SCAP: variants seen among roughly 807,000 people sequenced by gnomAD.
SCAP encodes sterol regulatory element-binding protein cleavage-activating protein.
A neutral mutation model predicts 123.6 loss-of-function variants in SCAP; 65 were observed. The observed-to-expected ratio is 0.53, with a 90% confidence interval of 0.43 to 0.65. The LOEUF (loss-of-function observed/expected upper bound fraction) is 0.65. SCAP is among the 30% of genes least tolerant of loss of function. The probability of loss-of-function intolerance (pLI) is 0.00; values close to 1 mark genes in which losing one functional copy is unlikely to be tolerated. For synonymous variants in SCAP, 740 were observed against 726.3 expected, an observed-to-expected ratio of 1.02 and a Z score of -0.30; for missense variants, 1,398 against 1,712.5, an observed-to-expected ratio of 0.82 and a Z score of 3.24.
chr3:47,476,283 G>T (rs11716661), upstream of SCAP, among the ~76,000 whole-genome samples: 57,217 of 151,718 alleles, frequency 0.38, 11,095 homozygotes, highest in East Asian at 0.53. Flanking sequence ...GGCAACGTAG[G>T]AGACCTCCGT....
At chr3:47,474,734 C>A (rs1212269111) in intron 1 of SCAP, among the ~76,000 whole-genome samples, 1 of 151,596 alleles carries the variant, frequency 6.6e-6, no homozygotes, top group Non-Finnish European at 1.5e-5. Flanking sequence ...GAAATCAAGG[C>A]TGCAGTGAGC....
intron 3 of SCAP, among the ~76,000 whole-genome samples, chr3:47,432,509 C>T (rs1302570514): frequency 6.6e-6 from 1 of 152,066 alleles, no homozygotes; most frequent in Non-Finnish European, 1.5e-5. Flanking sequence ...CAGTGAGCCT[C>T]TATCTGTCCC....
intron 5 of SCAP, 42 bp from the exon 6 acceptor site, chr3:47,427,304 C>G (rs1706178007): frequency 6.4e-7 from 1 of 1,567,910 alleles, no homozygotes; most frequent in Non-Finnish European, 8.8e-7. Flanking sequence ...GAAATGACAG[C>G]TACTGCAGAG....
chr3:47,438,429 A>AGAGAAT (rs10652619), intron 2 of SCAP, among the ~76,000 whole-genome samples: 145,847 of 152,110 alleles, frequency 0.96, 70,238 homozygotes, highest in East Asian at 1. Flanking sequence ...AACGACTACA[A>AGAGAAT]GTGATCAGAA....
chr3:47,466,750 G>A (rs1307495553), intron 1 of SCAP, among the ~76,000 whole-genome samples: 1 of 152,042 alleles, frequency 6.6e-6, no homozygotes, highest in African/African-American at 2.4e-5. Flanking sequence ...AAAAGTATAG[G>A]CAACAAAAGA....
chr3:47,454,037 A>G (rs1707316380), intron 1 of SCAP, among the ~76,000 whole-genome samples: 1 of 152,266 alleles, frequency 6.6e-6, no homozygotes, highest in Non-Finnish European at 1.5e-5. Context: ...CCAATGCTGA[A>G]GACATCTGAT....
intron 1 of SCAP, among the ~76,000 whole-genome samples, chr3:47,458,995 G>A (rs1344673944): frequency 2.6e-5 from 4 of 152,128 alleles, no homozygotes; most frequent in Non-Finnish European, 5.9e-5. Context: ...AGTAGAGATG[G>A]GGTTTCACCA....
chr3:47,439,238 G>A lies in SCAP; in HGVS notation c.122+3634C>T, dbSNP rs1401517053. Among the ~76,000 whole-genome samples the A allele has an allele frequency of 1.3e-5, 2 of 151,942 alleles. No homozygotes were observed. Among genetic ancestry groups the A allele is most frequent in the Non-Finnish European group, 2.9e-5 (2 of 68,000 alleles). ...AGTCTGGCCAACATGGTGAAACCCC[G>A]TCTCTACTAAAAATACAAAAAATAG... On this transcript the variant is annotated intron_variant, in intron 2 of 22. Transcript: ENST00000265565. This position sits in a 1 kb window ranked among gnomAD's most constrained non-coding sequence, Gnocchi z 4.0.
Position 47,450,083 on chromosome 3 carries a change from C to T in SCAP, c.-98-6992G>A, listed in dbSNP as rs185983388. ...CGTGATCTCGGCTCACCGCAACCTC[C>T]GCCTCCTGGGCTCAAGCAATTCTTG... On this transcript the variant is annotated intron_variant, in intron 1 of 22. Transcript: ENST00000265565. Among the ~76,000 whole-genome samples, 375 of 124,140 alleles carry T rather than the reference C, an allele frequency of 3.0e-3. 72 individuals are homozygous for T. The highest frequency in any genetic ancestry group is 9.7e-3 in the African/African-American group (355 of 36,426). The allele number at this position is 124,140 out of a possible 152,430, so 81.4% of individuals were successfully genotyped here. A position where few individuals can be genotyped will look rare whatever the true frequency, so the allele number is the denominator to read the frequency against.
chr3:47,417,436 A>G lies in SCAP; in HGVS notation c.2838T>C (p.Pro946=). The change falls in exon 17 of 23, where the codon CCT becomes CCC. Residue 946 remains proline, a synonymous_variant. Transcript: ENST00000265565. The stretch of plus-strand genomic sequence containing the variant: ...TCTCGGGGGAGCCACCCTCGTCCTC[A>G]GGGGCCTGGGACAGCACCGGCCCAG... ...PSPGPVLSQA[P]EDEGGSPEKG... is the part of the protein sequence containing the mutation. The G allele has an allele frequency of 6.4e-7, 1 of 1,556,976 alleles. No homozygotes were observed. The highest frequency in any genetic ancestry group is 8.7e-7 in the Non-Finnish European group (1 of 1,151,674).
intron 1 of SCAP, among the ~76,000 whole-genome samples, chr3:47,468,881 T>G (rs1385353801): frequency 6.6e-6 from 1 of 152,242 alleles, no homozygotes; most frequent in Non-Finnish European, 1.5e-5. Context: ...TAATCCATCT[T>G]GAATTGATTT....
At position 47,457,832 on chromosome 3, in the gene SCAP, G is replaced by A. The variant is rs955587166; in HGVS notation, c.-98-14741C>T. Among the ~76,000 whole-genome samples the A allele has an allele frequency of 9.2e-5, 14 of 151,892 alleles. 1 individual carries two copies. Among genetic ancestry groups the A allele is most frequent in the South Asian group, 8.3e-4 (4 of 4,814 alleles). On this transcript the variant is annotated intron_variant, in intron 1 of 22. Coordinates refer to ENST00000265565, the MANE Select transcript of SCAP (RefSeq NM_012235.4). Reference sequence around the variant, plus strand: ...TGAGGCAGGAGAATGGCATGAACCCGGGAGGCGGAGCTTGCAGTGAGCTGA... The same window carrying A: ...TGAGGCAGGAGAATGGCATGAACCCAGGAGGCGGAGCTTGCAGTGAGCTGA...
In SCAP at chr3:47,417,698, C is replaced by CG; in HGVS notation, c.2575dup (p.Arg859ProfsTer14). Reference sequence around the variant, plus strand: ...GAAGAGGGAAGGCGGCGGAGGGCCCCGGGGGCGGTGTCTCAGGGGAGGGCT... The same window carrying CG: ...GAAGAGGGAAGGCGGCGGAGGGCCCCGGGGGGCGGTGTCTCAGGGGAGGGCT... On this transcript the variant is annotated frameshift_variant, in exon 17 of 23. Coordinates refer to ENST00000265565, the MANE Select transcript of SCAP (RefSeq NM_012235.4). LOFTEE classifies it high-confidence loss of function. The CG allele has an allele frequency of 1.2e-6, 2 of 1,607,838 alleles. No individual in the cohort carries two copies. Among genetic ancestry groups the CG allele is most frequent in the Non-Finnish European group, 1.7e-6 (2 of 1,178,460 alleles).
intron 2 of SCAP, among the ~76,000 whole-genome samples, chr3:47,435,517 CAGAT>C (rs1175153117): frequency 3.6e-5 from 5 of 140,794 alleles, no homozygotes; most frequent in Admixed American, 7.2e-5. Flanking sequence ...CACACACACA[CAGAT>C]AGATAGGCGC....
intron 1 of SCAP, among the ~76,000 whole-genome samples, chr3:47,468,289 C>T (rs1298876214): frequency 3.3e-4 from 50 of 152,126 alleles, no homozygotes; most frequent in Non-Finnish European, 6.2e-4. Context: ...CTTGAGGAAT[C>T]GCCACACTGT....
At chr3:47,452,330 C>G (rs562479666) in intron 1 of SCAP, among the ~76,000 whole-genome samples, 3 of 152,012 alleles carry the variant, frequency 2.0e-5, no homozygotes, top group African/African-American at 7.2e-5. Flanking sequence ...TTGATGCCAG[C>G]CTGGGCAACA....
In SCAP at chr3:47,413,736, T is replaced by G; in HGVS notation, c.*118A>C. 1.5e-6 allele frequency: 2 copies of G among 1,352,286 alleles called. No homozygotes were observed. The highest frequency in any genetic ancestry group is 2.0e-6 in the Non-Finnish European group (2 of 991,744). The allele number at this position is 1,352,286 out of a possible 1,614,324, so 83.8% of individuals were successfully genotyped here. A position where few individuals can be genotyped will look rare whatever the true frequency, so the allele number is the denominator to read the frequency against. ...ATGGTTTTTTAAAAAAGTTTAATAT[T>G]ATTACAGTCAGGAGGCAGCGGCTGG... On this transcript the variant is annotated 3_prime_UTR_variant, in exon 23 of 23. Coordinates refer to ENST00000265565, the MANE Select transcript of SCAP (RefSeq NM_012235.4).
At position 47,475,823 on chromosome 3, in the gene SCAP, TGCG is replaced by T. The variant is rs562562485; in HGVS notation, c.-126_-124del. ...CCTGTGGTGGCAGCACCTCCCAAGC[TGCG>T]GCGGCGGCGGCGGCGGCGACGGGGG... On this transcript the variant is annotated 5_prime_UTR_variant, in exon 1 of 23. Transcript: ENST00000265565. The T allele has an allele frequency of 7.5e-4, 119 of 157,922 alleles. No individual in the cohort carries two copies. Among genetic ancestry groups the T allele is most frequent in the Non-Finnish European group, 1.4e-3 (102 of 72,694 alleles). The allele number at this position is 157,922 out of a possible 1,614,324, so 9.8% of individuals were successfully genotyped here. A position where few individuals can be genotyped will look rare whatever the true frequency, so the allele number is the denominator to read the frequency against.
chr3:47,418,871 C>A, intron 13 of SCAP, 28 bp from the exon 14 acceptor site: 7 of 1,491,688 alleles, frequency 4.7e-6, no homozygotes, highest in Non-Finnish European at 6.2e-6. Flanking sequence ...GCAGCCTCAG[C>A]GGGGGGCCTC....
Sources: gnomAD v4.1 joint callset for allele counts (sites outside exome capture counted in the v4.1 genomes callset) on GRCh38, gnomAD v4.1.1 for gene constraint, Gnocchi (gnomAD v3.1) non-coding constraint, MANE v1.5 for transcripts, NCBI Gene and HGNC (gene_info 2026-07-23, HGNC 2026-07-21) for gene names.